Variants in CSMD1 observed in about 807,000 individuals in gnomAD.
CSMD1 encodes the protein CUB and Sushi multiple domains 1.
Under a neutral mutation model 417.5 loss-of-function variants are expected in CSMD1, and 213 were observed. The observed-to-expected ratio is 0.51, with a 90% CI of 0.46 to 0.57. The LOEUF (loss-of-function observed/expected upper bound fraction) is 0.57. CSMD1 is among the 20% of genes least tolerant of loss of function. The pLI is 0.00. For missense variants in CSMD1, 6,923 were observed against 4,529.7 expected, an observed-to-expected ratio of 1.53 and a Z score of -15.17; for synonymous variants, 2,862 against 1,736.8, an observed-to-expected ratio of 1.65 and a Z score of -16.11.
At chr8:4,442,647 T>C (rs894663451) in intron 2 of CSMD1, among the ~76,000 whole-genome samples, 10 of 152,134 alleles carry the variant, frequency 6.6e-5, no homozygotes, top group Non-Finnish European at 1.5e-5. Context: ...GATTCCAGAG[T>C]ACTTTTAAAA....
chr8:4,464,329 G>A (rs962346107), intron 2 of CSMD1, among the ~76,000 whole-genome samples: 5 of 152,136 alleles, frequency 3.3e-5, no homozygotes, highest in South Asian at 4.1e-4. Context: ...TTACAGTGCG[G>A]TTATGTTCTA....
At chr8:4,133,172 G>C (rs1449506782) in intron 3 of CSMD1, among the ~76,000 whole-genome samples, 1 of 152,120 alleles carries the variant, frequency 6.6e-6, no homozygotes, top group Admixed American at 6.5e-5. Flanking sequence ...TCCTGGCCTT[G>C]TGATCTGCCC....
chr8:4,413,551 T>C (rs1442737200), intron 3 of CSMD1, among the ~76,000 whole-genome samples: 1 of 152,192 alleles, frequency 6.6e-6, no homozygotes, highest in Non-Finnish European at 1.5e-5. Flanking sequence ...ACAGCACTAA[T>C]TCTTTTAAAA....
At chr8:3,116,092 G>C (rs995648190) in intron 42 of CSMD1, among the ~76,000 whole-genome samples, 4 of 152,276 alleles carry the variant, frequency 2.6e-5, no homozygotes, top group African/African-American at 7.2e-5. Flanking sequence ...TTCTTATGAA[G>C]CAACGACTTT....
At chr8:3,301,656 G>C (rs920553927) in intron 25 of CSMD1, among the ~76,000 whole-genome samples, 5 of 152,178 alleles carry the variant, frequency 3.3e-5, no homozygotes, top group Non-Finnish European at 7.3e-5. Flanking sequence ...AGCTTTCTTT[G>C]TCCTGAAGTC....
At chr8:3,010,844 C>T (rs1017576621) in intron 52 of CSMD1, among the ~76,000 whole-genome samples, 5 of 151,358 alleles carry the variant, frequency 3.3e-5, no homozygotes, top group Non-Finnish European at 7.4e-5. Context: ...CCCGGGTTCA[C>T]GCGATTCTCC....
chr8:3,925,342 T>A (rs753225960), intron 5 of CSMD1, among the ~76,000 whole-genome samples: 1 of 152,244 alleles, frequency 6.6e-6, no homozygotes, highest in Non-Finnish European at 1.5e-5. Context: ...TTATATGCTA[T>A]CCTATTTTAA....
At chr8:4,723,111 T>G (rs530969959) in intron 1 of CSMD1, among the ~76,000 whole-genome samples, 6 of 152,310 alleles carry the variant, frequency 3.9e-5, no homozygotes, top group African/African-American at 1.2e-4. Context: ...TATATCTGAC[T>G]TGTACACCTA....
chr8:3,960,245 A>G (rs968502898), intron 5 of CSMD1, among the ~76,000 whole-genome samples: 12 of 152,206 alleles, frequency 7.9e-5, no homozygotes, highest in Non-Finnish European at 1.6e-4. Flanking sequence ...CTCTCCTCAC[A>G]TTCTGGAAAC....
chr8:3,999,581 G>A (rs1815496205), intron 4 of CSMD1, among the ~76,000 whole-genome samples: 2 of 152,140 alleles, frequency 1.3e-5, no homozygotes, highest in South Asian at 4.1e-4. Flanking sequence ...AGAATGCCAG[G>A]GGCATAGGGG....
intron 5 of CSMD1, among the ~76,000 whole-genome samples, chr8:3,804,218 C>T (rs1250865111): frequency 1.3e-5 from 2 of 152,012 alleles, no homozygotes; most frequent in Admixed American, 1.3e-4. Context: ...AAGTGTGAGC[C>T]ACTACACCAA....
At chr8:4,690,446 T>A (rs1806692740) in intron 1 of CSMD1, among the ~76,000 whole-genome samples, 1 of 152,192 alleles carries the variant, frequency 6.6e-6, no homozygotes, top group South Asian at 2.1e-4. Context: ...AGTTGCAGAA[T>A]TTAAGGAAAT....
intron 25 of CSMD1, among the ~76,000 whole-genome samples, chr8:3,288,785 T>C (rs1803337819): frequency 1.4e-5 from 2 of 147,260 alleles, no homozygotes; most frequent in Non-Finnish European, 2.9e-5. Flanking sequence ...AGGGTTTTTC[T>C]CTTTTTTATA....
intron 23 of CSMD1, among the ~76,000 whole-genome samples, chr8:3,325,787 G>A (rs1298389468): frequency 6.6e-6 from 1 of 152,142 alleles, no homozygotes; most frequent in South Asian, 2.1e-4. Flanking sequence ...CTGTACCACT[G>A]CACTCCAGCC....
At chr8:4,137,536 A>T (rs1174754191) in intron 3 of CSMD1, among the ~76,000 whole-genome samples, 1 of 131,722 alleles carries the variant, frequency 7.6e-6, no homozygotes, top group South Asian at 2.5e-4. Flanking sequence ...TTAATATTCC[A>T]TTTGTATTAT....
intron 1 of CSMD1, among the ~76,000 whole-genome samples, chr8:4,813,825 G>C (rs1198486455): frequency 6.6e-6 from 1 of 152,154 alleles, no homozygotes; most frequent in Non-Finnish European, 1.5e-5. Flanking sequence ...TCAGATACAA[G>C]GCAGTAATTC....
chr8:3,129,898 C>G (rs978336060), intron 41 of CSMD1, among the ~76,000 whole-genome samples: 1 of 151,976 alleles, frequency 6.6e-6, no homozygotes, highest in African/African-American at 2.4e-5. Flanking sequence ...GGAGAATCAC[C>G]TGAGCCCGGG....
chr8:3,561,141 T>C (rs1417793159), intron 10 of CSMD1, among the ~76,000 whole-genome samples: 1 of 152,154 alleles, frequency 6.6e-6, no homozygotes. Context: ...TGTCAAACAA[T>C]AACAAATGTT....
At chr8:4,794,660 C>G (rs555967817) in intron 1 of CSMD1, among the ~76,000 whole-genome samples, 1 of 152,148 alleles carries the variant, frequency 6.6e-6, no homozygotes, top group East Asian at 1.9e-4. Flanking sequence ...CCCATACCTT[C>G]TTTCTTCTGC....
Sources: gnomAD v4.1 joint callset for allele counts (sites outside exome capture counted in the v4.1 genomes callset) on GRCh38, gnomAD v4.1.1 for gene constraint, MANE v1.5 for transcripts, NCBI Gene and HGNC (gene_info 2026-07-23, HGNC 2026-07-21) for gene names.